The following TFPI variants were observed in gnomAD, a reference collection of about 807,000 sequenced individuals.
TFPI encodes the protein anti-convertin.
In TFPI, 15 loss-of-function variants were observed where a neutral mutation model predicts 34.6. The observed-to-expected ratio is 0.43, with a 90% CI of 0.29 to 0.67. The LOEUF (loss-of-function observed/expected upper bound fraction) is 0.67. TFPI is among the 30% of genes least tolerant of loss of function. The pLI is 0.15. For synonymous variants in TFPI, 105 were observed against 120.1 expected, an observed-to-expected ratio of 0.87 and a Z score of 0.82; for missense variants, 301 against 364.0, an observed-to-expected ratio of 0.83 and a Z score of 1.41.
intron 1 of TFPI, among the ~76,000 whole-genome samples, chr2:187,540,518 C>G (rs1688521605): frequency 1.3e-5 from 2 of 152,142 alleles, no homozygotes; most frequent in Middle Eastern, 3.4e-3. Flanking sequence ...AAAGAATGAG[C>G]AAAATCTGTG....
chr2:187,507,083 G>A (rs150129028), intron 1 of TFPI, among the ~76,000 whole-genome samples: 92 of 151,562 alleles, frequency 6.1e-4, no homozygotes, highest in African/African-American at 1.9e-3. Context: ...GACAGACCCC[G>A]GTATGTGATG....
intron 1 of TFPI, chr2:187,547,779 T>A (rs1329333018): frequency 6.6e-6 from 1 of 152,186 alleles, no homozygotes; most frequent in Non-Finnish European, 1.5e-5. Flanking sequence ...ATGCTCATTA[T>A]TGTACATTTT....
intron 6 of TFPI, among the ~76,000 whole-genome samples, chr2:187,474,929 G>C (rs541763354): frequency 1.3e-5 from 2 of 152,286 alleles, no homozygotes; most frequent in African/African-American, 4.8e-5. Context: ...GGAAGATGAA[G>C]ATAGAGCTCA....
In TFPI at chr2:187,484,813, C is replaced by T; in HGVS notation, c.533G>A (p.Gly178Asp). The T allele has an allele frequency of 6.3e-7, 1 of 1,582,310 alleles. No individual in the cohort carries two copies. Among genetic ancestry groups the T allele is most frequent in the African/African-American group, 1.4e-5 (1 of 73,038 alleles). ...AATGAAATAAGAAATAAACTTACGA[C>T]CATCTTCACAAATGTTCTTGCATTC... is the stretch of plus-strand genomic sequence containing the variant. ...LEECKNICED[G>D]PNGFQVDNYG... Residue 178 changes from glycine (G) to aspartate (D), a missense_variant and splice_region_variant, in exon 5 of 8, where the codon GGT becomes GAT. Coordinates refer to ENST00000233156, the MANE Select transcript of TFPI (RefSeq NM_006287.6).
rs1686585089 is a variant in TFPI at position 187,510,969 on chromosome 2, C to T, written c.-2-7199G>A. The stretch of plus-strand genomic sequence containing the variant: ...CTGCTACATTTCTTGGTACCCTGAC[C>T]AGGAAGCGAGGTGATTAACAGAGGC... On this transcript the variant is annotated intron_variant, in intron 1 of 7. Transcript: ENST00000233156. Among the ~76,000 whole-genome samples the T allele has an allele frequency of 2.0e-5, 3 of 152,158 alleles. No homozygotes were observed. In the South Asian group the frequency reaches 6.2e-4, roughly 31 times the overall value.
intron 6 of TFPI, among the ~76,000 whole-genome samples, chr2:187,473,233 G>A (rs1692165445): frequency 6.6e-6 from 1 of 152,066 alleles, no homozygotes; most frequent in Non-Finnish European, 1.5e-5. Flanking sequence ...AAATATTTAA[G>A]AGGACATGCA....
intron 1 of TFPI, among the ~76,000 whole-genome samples, chr2:187,533,039 C>G (rs1489754642): frequency 6.6e-6 from 1 of 152,148 alleles, no homozygotes; most frequent in Non-Finnish European, 1.5e-5. Context: ...GGCAGGGCAT[C>G]TCAGAAAGAA....
intron 1 of TFPI, among the ~76,000 whole-genome samples, chr2:187,509,045 C>T (rs1358699786): frequency 3.3e-5 from 5 of 152,054 alleles, no homozygotes; most frequent in African/African-American, 7.2e-5. Flanking sequence ...CTGCATCTAT[C>T]GAGATACTCA....
At chr2:187,524,068 T>A (rs1204192982) in intron 1 of TFPI, among the ~76,000 whole-genome samples, 1 of 152,146 alleles carries the variant, frequency 6.6e-6, no homozygotes, top group Admixed American at 6.5e-5. Context: ...CCATTCATGC[T>A]GTAGCATATA....
chr2:187,467,934 TA>T lies in TFPI; in HGVS notation c.629-3del. The T allele has an allele frequency of 1.3e-6, 2 of 1,564,308 alleles. No homozygotes were observed. The highest frequency in any genetic ancestry group is 1.7e-6 in the Non-Finnish European group (2 of 1,157,840). On this transcript the variant is annotated splice_region_variant and splice_polypyrimidine_tract_variant and intron_variant, in intron 6 of 7. Coordinates refer to ENST00000233156, the MANE Select transcript of TFPI (RefSeq NM_006287.6). ...GACACCATGAGGGACCGTGAAATTC[TA>T]AAAACAATCAGGAAAACATGGTAAG...
At chr2:187,496,849 G>T in intron 3 of TFPI, 32 bp downstream of exon 3, 3 of 1,591,560 alleles carry the variant, frequency 1.9e-6, no homozygotes, top group Admixed American at 3.4e-5. Context: ...GCCCTAAAGG[G>T]TCTTGAGTAA....
Position 187,554,431 on chromosome 2 carries a change from TG to T in TFPI, c.-235del, listed in dbSNP as rs1455649245. On this transcript the variant is annotated 5_prime_UTR_variant, in exon 1 of 8. Coordinates refer to ENST00000233156, the MANE Select transcript of TFPI (RefSeq NM_006287.6). ...CTATTATCCAGCCTAAAGTCGCTGC[TG>T]TCTGTTAGAGCAAAGAGGGAGCCTC... The T allele has an allele frequency of 6.6e-6, 1 of 152,244 alleles. No individual in the cohort carries two copies. Among genetic ancestry groups the T allele is most frequent in the Non-Finnish European group, 1.5e-5 (1 of 68,044 alleles). 9.4% of individuals were successfully genotyped at this position (152,244 alleles called of 1,614,324 possible).
chr2:187,528,675 T>G (rs1376260791), intron 1 of TFPI, among the ~76,000 whole-genome samples: 1 of 152,178 alleles, frequency 6.6e-6, no homozygotes, highest in Non-Finnish European at 1.5e-5. Flanking sequence ...TTATTATTGC[T>G]TTTCTCATTT....
chr2:187,497,856 TA>T (rs1685590379), intron 2 of TFPI, among the ~76,000 whole-genome samples: 1 of 151,958 alleles, frequency 6.6e-6, no homozygotes, highest in Non-Finnish European at 1.5e-5. Flanking sequence ...TAATGTTAAG[TA>T]AAGTCTATTT....
intron 6 of TFPI, among the ~76,000 whole-genome samples, chr2:187,476,817 TTTTTC>T (rs1692406909): frequency 6.6e-6 from 1 of 152,070 alleles, no homozygotes; most frequent in Non-Finnish European, 1.5e-5. Context: ...ACAATAAGGA[TTTTTC>T]TTTTTTTTAA....
chr2:187,469,656 G>A (rs1691920452), intron 6 of TFPI, among the ~76,000 whole-genome samples: 1 of 152,030 alleles, frequency 6.6e-6, no homozygotes, highest in East Asian at 1.9e-4. Flanking sequence ...ACACAATACT[G>A]TTTTACTAAC....
intron 1 of TFPI, among the ~76,000 whole-genome samples, chr2:187,505,209 G>A (rs189329362): frequency 6.6e-6 from 1 of 152,172 alleles, no homozygotes; most frequent in Admixed American, 6.6e-5. Flanking sequence ...AATACAGAGT[G>A]TACTCTGCAT....
At chr2:187,532,548 C>T (rs942790536) in intron 1 of TFPI, among the ~76,000 whole-genome samples, 1 of 152,166 alleles carries the variant, frequency 6.6e-6, no homozygotes, top group African/African-American at 2.4e-5. Flanking sequence ...GCATTCTGGC[C>T]CAGATACAAC....
intron 6 of TFPI, among the ~76,000 whole-genome samples, chr2:187,480,608 C>G (rs1240708391): frequency 6.6e-6 from 1 of 152,030 alleles, no homozygotes; most frequent in Non-Finnish European, 1.5e-5. Context: ...GTTGTGATGG[C>G]TTTCAGTTCT....
Sources: gnomAD v4.1 joint callset for allele counts (sites outside exome capture counted in the v4.1 genomes callset) on GRCh38, gnomAD v4.1.1 for gene constraint, MANE v1.5 for transcripts, NCBI Gene and HGNC (gene_info 2026-07-23, HGNC 2026-07-21) for gene names.